NCOR2: variants seen among roughly 807,000 people sequenced by gnomAD.
The protein encoded by NCOR2 is nuclear receptor corepressor 2, also known as CTG repeat protein 26.
NCOR2 carries 81 observed loss-of-function variants against 262.9 expected under a neutral mutation model. The ratio of observed to expected loss-of-function variants is 0.31; its 90% CI spans 0.26 to 0.37. The LOEUF is 0.37. Among genes scored for constraint, NCOR2 ranks in the 10% least tolerant of loss-of-function variants. The probability of loss-of-function intolerance (pLI) is 1.00; values close to 1 mark genes in which losing one functional copy is unlikely to be tolerated. For missense variants in NCOR2, 3,385 were observed against 3,621.4 expected (o/e 0.93, Z 1.68); for synonymous variants, 1,659 against 1,559.3 (o/e 1.06, Z -1.51).
At chr12:124,489,388 G>A (rs1373078667) in intron 1 of NCOR2, among the ~76,000 whole-genome samples, 1 of 152,220 alleles carries the variant, frequency 6.6e-6, no homozygotes, top group Non-Finnish European at 1.5e-5. Flanking sequence ...CCCACACAAA[G>A]ACGAGAAAAC....
chr12:124,390,166 G>T (rs1053176488), intron 16 of NCOR2, among the ~76,000 whole-genome samples: 28 of 152,190 alleles, frequency 1.8e-4, no homozygotes, highest in African/African-American at 6.8e-4. Context: ...CCCTCTGCAG[G>T]GGAGGTCTCA....
At chr12:124,530,810 G>A (rs773055841) in intron 1 of NCOR2, among the ~76,000 whole-genome samples, 47 of 152,322 alleles carry the variant, frequency 3.1e-4, no homozygotes, top group Middle Eastern at 3.4e-3. Flanking sequence ...CATACCAGCT[G>A]CAGGCCCCAG....
intron 20 of NCOR2, among the ~76,000 whole-genome samples, chr12:124,364,973 C>T (rs536803467): frequency 6.7e-6 from 1 of 149,412 alleles, no homozygotes; most frequent in African/African-American, 2.5e-5. Context: ...GGAGGTGGCC[C>T]GGCCTGCGTC....
chr12:124,442,983 C>T (rs546023294), intron 7 of NCOR2, among the ~76,000 whole-genome samples: 22 of 152,308 alleles, frequency 1.4e-4, no homozygotes, highest in South Asian at 6.2e-4. Context: ...CCAAGGAGGC[C>T]GGCAGCCGCC....
At chr12:124,545,631 G>A (rs902811277) in intron 1 of NCOR2, among the ~76,000 whole-genome samples, 3 of 152,192 alleles carry the variant, frequency 2.0e-5, no homozygotes, top group Admixed American at 6.5e-5. Context: ...CCCAGCAGGC[G>A]TTCAGAAGCC....
chr12:124,459,733 G>A (rs2046064221), intron 5 of NCOR2, among the ~76,000 whole-genome samples: 1 of 152,184 alleles, frequency 6.6e-6, no homozygotes, highest in African/African-American at 2.4e-5. Flanking sequence ...GCTGGGGAAC[G>A]TGGACGCAGG....
At chr12:124,466,140 C>CG (rs1276513081) in intron 5 of NCOR2, 33 bp downstream of exon 7, 56 of 1,579,444 alleles carry the variant, frequency 3.5e-5, no homozygotes, top group Admixed American at 2.3e-4. Context: ...TGGCCAGCAC[C>CG]GGGGGGCAGC....
chr12:124,331,148 C>T (rs1437538841), intron 43 of NCOR2, among the ~76,000 whole-genome samples: 1 of 151,326 alleles, frequency 6.6e-6, no homozygotes, highest in South Asian at 2.1e-4. Context: ...CTGCAACCTC[C>T]GCCTCCCAGG....
intron 17 of NCOR2, among the ~76,000 whole-genome samples, 164 bp downstream of exon 19, chr12:124,385,581 C>T (rs557103929): frequency 3.3e-5 from 5 of 152,220 alleles, no homozygotes; most frequent in African/African-American, 2.4e-5. Context: ...GCAGCCATCT[C>T]GGGGTACTCC....
chr12:124,430,573 C>A (rs200844803), intron 9 of NCOR2, 42 bp downstream of exon 11: 30 of 1,569,192 alleles, frequency 1.9e-5, no homozygotes, highest in Non-Finnish European at 2.6e-5. Flanking sequence ...GAGCTGACCC[C>A]GGGCCCTGAC....
chr12:124,335,201 C>T lies in NCOR2; in HGVS notation c.6345G>A (p.Pro2115=), dbSNP rs35980493. Residue 2115 remains proline (P), a synonymous_variant, in exon 40 of 47, where the codon CCG becomes CCA. Coordinates refer to ENST00000405201, the Ensembl canonical transcript of NCOR2. ...TGACCCCTGGGGCGGTCTGGAGCAGCGGGCTGGACGAGGGCTGGCTCTCAG... is the reference window on the plus strand; with the variant it reads ...TGACCCCTGGGGCGGTCTGGAGCAGTGGGCTGGACGAGGGCTGGCTCTCAG... 2,214 of 1,611,128 alleles carry T rather than the reference C, an allele frequency of 1.4e-3. 26 individuals are homozygous for T. The African/African-American group carries it at 0.025, about 18-fold the overall frequency.
chr12:124,349,691 G>T (rs1009362097), intron 28 of NCOR2, among the ~76,000 whole-genome samples: 2 of 152,150 alleles, frequency 1.3e-5, no homozygotes, highest in Non-Finnish European at 2.9e-5. Flanking sequence ...TGATGAAGAC[G>T]ATACGCTGAA....
In NCOR2 at chr12:124,443,042, A is replaced by C. The variant is rs939832835; in HGVS notation, c.816-5046T>G. Among the ~76,000 whole-genome samples, 8 of 152,156 alleles carry C rather than the reference A, an allele frequency of 5.3e-5. No individual in the cohort carries two copies. The highest frequency in any genetic ancestry group is 2.0e-4 in the Admixed American group (3 of 15,280). On this transcript the variant is annotated intron_variant, in intron 7 of 46. Transcript: ENST00000405201. This position sits in a 1 kb window ranked among gnomAD's most constrained non-coding sequence, Gnocchi z 4.4. ...CAGCCTCCCCCAGAGCCTTCTAGAG[A>C]ATGTGGTCCTGCAGCACCTTGATTT...
In NCOR2 at chr12:124,380,513, C is replaced by T. The variant is rs981973154; in HGVS notation, c.2020-2129G>A. Among the ~76,000 whole-genome samples, 9 of 152,348 alleles carry T rather than the reference C, an allele frequency of 5.9e-5. No homozygotes were observed. In the East Asian group the frequency reaches 1.7e-3, roughly 29 times the overall value. On this transcript the variant is annotated intron_variant, in intron 17 of 46. Coordinates refer to ENST00000405201, the Ensembl canonical transcript of NCOR2. ...CCTGGGCCCAGTCCCAGCCCTGCCCCGAATCCTGAGCCTCTCCCAGGAGAG... is the reference window on the plus strand; with the variant it reads ...CCTGGGCCCAGTCCCAGCCCTGCCCTGAATCCTGAGCCTCTCCCAGGAGAG...
Position 124,376,666 on chromosome 12 carries a change from G to A in NCOR2, c.2167+1571C>T, listed in dbSNP as rs375491384. ...AAGGGCCCAGTTGCCCATTTCCAGCGGGAAGCGGGGATTCGGGCTGGTGAA... is the reference window on the plus strand; with the variant it reads ...AAGGGCCCAGTTGCCCATTTCCAGCAGGAAGCGGGGATTCGGGCTGGTGAA... On this transcript the variant is annotated intron_variant, in intron 18 of 46. Transcript: ENST00000405201. 3.3e-5 allele frequency among the ~76,000 whole-genome samples: 5 copies of A among 152,332 alleles called. No homozygotes were observed. In the South Asian group the frequency reaches 8.3e-4, roughly 25 times the overall value.
chr12:124,550,954 C>T (rs761717497), intron 1 of NCOR2, among the ~76,000 whole-genome samples: 3 of 152,258 alleles, frequency 2.0e-5, no homozygotes, highest in Non-Finnish European at 4.4e-5. Flanking sequence ...ACACACCAAG[C>T]TCACGTCACA....
chr12:124,434,718 G>A (rs547010206), intron 8 of NCOR2, among the ~76,000 whole-genome samples: 1 of 152,300 alleles, frequency 6.6e-6, no homozygotes, highest in South Asian at 2.1e-4. Context: ...AGTCATTTTA[G>A]GTGAAAATGA....
exon 9 of NCOR2, chr12:124,430,758 C>T (rs1192547514): frequency 2.5e-6 from 4 of 1,613,470 alleles, no homozygotes; most frequent in Non-Finnish European, 3.4e-6. Flanking sequence ...CCTCCATGAG[C>T]TGGTCATAGC....
At chr12:124,453,570 C>T (rs912422258) in intron 6 of NCOR2, among the ~76,000 whole-genome samples, 1 of 152,192 alleles carries the variant, frequency 6.6e-6, no homozygotes, top group Non-Finnish European at 1.5e-5. Flanking sequence ...AGGGAGGAGG[C>T]GGCCCCCCTC....
Sources: allele counts gnomAD v4.1 joint callset (sites outside exome capture counted in the v4.1 genomes callset), GRCh38; gene constraint gnomAD v4.1.1; non-coding constraint Gnocchi (gnomAD v3.1); transcripts MANE v1.5; gene names NCBI Gene and HGNC (gene_info 2026-07-23, HGNC 2026-07-21).